The following RASGRF1 variants were observed in gnomAD, a reference collection of about 807,000 sequenced individuals.
The protein encoded by RASGRF1 is Ras protein specific guanine nucleotide releasing factor 1.
RASGRF1 carries 40 observed loss-of-function variants against 138.7 expected under a neutral mutation model. That is an observed-to-expected ratio of 0.29 (90% confidence interval 0.22 to 0.38). The LOEUF is 0.38. Ranked by LOEUF, RASGRF1 falls within the 10% of genes least tolerant of loss-of-function variation. The pLI is 1.00. For synonymous variants in RASGRF1, 614 were observed against 663.2 expected (o/e 0.93, Z 1.14); for missense variants, 1,108 against 1,650.4 (o/e 0.67, Z 5.69).
rs989723674 is a variant in RASGRF1 at position 79,032,503 on chromosome 15, C to A, written c.959-187G>T. Among the ~76,000 whole-genome samples, 7 of 152,158 alleles carry A rather than the reference C, an allele frequency of 4.6e-5. No homozygotes were observed. Among genetic ancestry groups the A allele is most frequent in the Non-Finnish European group, 8.8e-5 (6 of 68,020 alleles). ...GCCCTATCCAGTGCTAGTAGGTGGG[C>A]CCCCATCATTGGGACCACATTAGAA... On this transcript the variant is annotated intron_variant, in intron 6 of 26. Transcript: ENST00000558480. This position sits in a 1 kb window ranked among gnomAD's most constrained non-coding sequence, Gnocchi z 4.5.
chr15:78,996,462 C>T (rs1653502285), intron 19 of RASGRF1, among the ~76,000 whole-genome samples: 1 of 152,114 alleles, frequency 6.6e-6, no homozygotes, highest in Admixed American at 6.5e-5. Flanking sequence ...CGGGGAGTGG[C>T]TCTCTGGATC....
chr15:78,980,085 G>A (rs28547879), intron 24 of RASGRF1: 2,354 of 152,542 alleles, frequency 0.015, 27 homozygotes, highest in Middle Eastern at 0.024. Flanking sequence ...ACCCCGCCGT[G>A]TGGGCAATGT....
intron 26 of RASGRF1, among the ~76,000 whole-genome samples, chr15:78,969,712 GC>G (rs1271799331): frequency 6.6e-6 from 1 of 151,926 alleles, no homozygotes; most frequent in Non-Finnish European, 1.5e-5. Flanking sequence ...GGATTCTATG[GC>G]CCCCTATTCC....
intron 24 of RASGRF1, among the ~76,000 whole-genome samples, chr15:78,976,968 C>T (rs562318290): frequency 5.3e-5 from 8 of 152,364 alleles, no homozygotes; most frequent in Middle Eastern, 3.4e-3. Flanking sequence ...GGCAAGGCCT[C>T]GCTGTCGCAC....
At chr15:79,057,368 A>T (rs146282170) in intron 3 of RASGRF1, among the ~76,000 whole-genome samples, 27 of 152,356 alleles carry the variant, frequency 1.8e-4, no homozygotes, top group African/African-American at 4.6e-4. Flanking sequence ...GTCTGCCATG[A>T]GTCAAGTCAG....
chr15:79,058,349 C>T lies in RASGRF1; in HGVS notation c.516G>A (p.Glu172=), dbSNP rs776560930. Residue 172 remains glutamate, a synonymous_variant, in exon 3 of 27, where the codon GAG becomes GAA. Transcript: ENST00000558480. ...CCGCAGTCACCTCTGCCTTCAGCCG[C>T]TCGATCTCGATCTCCCCATCCTCGA... is the stretch of plus-strand genomic sequence containing the variant. ...QQIEDGEIEI[E]RLKAEITSLL... is the part of the protein sequence containing the mutation. 1.2e-6 allele frequency: 2 copies of T among 1,613,744 alleles called. No homozygotes were observed. The highest frequency in any genetic ancestry group is 2.2e-5 in the East Asian group (1 of 44,878).
chr15:79,038,950 A>G (rs2057258333), intron 5 of RASGRF1, among the ~76,000 whole-genome samples: 1 of 152,210 alleles, frequency 6.6e-6, no homozygotes, highest in Non-Finnish European at 1.5e-5. Context: ...CCAGTTGTCA[A>G]TTCTGGCTAA....
intron 5 of RASGRF1, among the ~76,000 whole-genome samples, chr15:79,045,101 C>G (rs2057340729): frequency 6.6e-6 from 1 of 152,192 alleles, no homozygotes; most frequent in South Asian, 2.1e-4. Context: ...AAGTAAACCT[C>G]AAATAAGGAG....
Position 79,027,707 on chromosome 15 carries a change from T to C in RASGRF1, c.1381+34A>G. ...CCTCCCGCTGCTGGGGCCCACCTGG[T>C]GGGGGCAGGGGAGACAGGGTGCAGA... On this transcript the variant is annotated intron_variant, in intron 9 of 26. Coordinates refer to ENST00000558480, the MANE Select transcript of RASGRF1 (RefSeq NM_001145648.3). This position sits in a 1 kb window ranked among gnomAD's most constrained non-coding sequence, Gnocchi z 4.8. 6.3e-7 allele frequency: 1 copy of C among 1,590,280 alleles called. No individual in the cohort carries two copies. Among genetic ancestry groups the C allele is most frequent in the African/African-American group, 1.3e-5 (1 of 74,510 alleles).
chr15:79,057,817 C>T (rs115208800), intron 3 of RASGRF1, among the ~76,000 whole-genome samples: 1 of 152,342 alleles, frequency 6.6e-6, no homozygotes, highest in African/African-American at 2.4e-5. Context: ...ACAATGCCGC[C>T]TCCAGAATGC....
chr15:78,993,272 TG>T (rs2056316227), intron 20 of RASGRF1, among the ~76,000 whole-genome samples: 2 of 147,352 alleles, frequency 1.4e-5, no homozygotes, highest in African/African-American at 2.5e-5. Context: ...GTGGTGTGTG[TG>T]GTGTGTGTGT....
In RASGRF1 at chr15:78,985,394, T is replaced by C. The variant is rs1308518333; in HGVS notation, c.3217-190A>G. 4 of 574,782 alleles carry C rather than the reference T, an allele frequency of 7.0e-6. No homozygotes were observed. In the East Asian group the frequency reaches 1.2e-4, roughly 17 times the overall value. 35.6% of individuals were successfully genotyped at this position (574,782 alleles called of 1,614,324 possible). ...AATATACAAAAATGAAAAGTTTATATATACATTAGCAATAATCAATTAGAA... is the reference window on the plus strand; with the variant it reads ...AATATACAAAAATGAAAAGTTTATACATACATTAGCAATAATCAATTAGAA... On this transcript the variant is annotated intron_variant, in intron 22 of 26. Coordinates refer to ENST00000558480, the MANE Select transcript of RASGRF1 (RefSeq NM_001145648.3).
intron 16 of RASGRF1, among the ~76,000 whole-genome samples, chr15:79,001,384 G>GGTTCAGGAAGCACC (rs2056520966): frequency 6.6e-6 from 1 of 152,090 alleles, no homozygotes; most frequent in African/African-American, 2.4e-5. Context: ...CCTGTGCTGG[G>GGTTCAGGAAGCACC]TGGGCTCAAG....
At chr15:78,967,830 C>T (rs1175107489) in intron 26 of RASGRF1, among the ~76,000 whole-genome samples, 1 of 152,046 alleles carries the variant, frequency 6.6e-6, no homozygotes, top group African/African-American at 2.4e-5. Flanking sequence ...TGTAGTGTTT[C>T]CCCCACTGAA....
intron 8 of RASGRF1, among the ~76,000 whole-genome samples, chr15:79,030,459 A>C (rs1039129966): frequency 6.6e-6 from 1 of 152,222 alleles, no homozygotes; most frequent in Middle Eastern, 3.4e-3. Context: ...CTGTCGCTTT[A>C]AACACCATCT....
chr15:79,023,912 C>CACACAG (rs961408398), intron 10 of RASGRF1, among the ~76,000 whole-genome samples: 10 of 152,040 alleles, frequency 6.6e-5, no homozygotes, highest in African/African-American at 2.2e-4. Context: ...ACACACACCA[C>CACACAG]ACACAGACAC....
At chr15:79,031,104 T>C (rs2057129514) in intron 8 of RASGRF1, among the ~76,000 whole-genome samples, 1 of 152,200 alleles carries the variant, frequency 6.6e-6, no homozygotes, top group South Asian at 2.1e-4. Flanking sequence ...AGAGAGTGCC[T>C]GGGAGTCATG....
Position 79,073,590 on chromosome 15 carries a change from G to A in RASGRF1, c.277-9064C>T, listed in dbSNP as rs1177593242. The stretch of plus-strand genomic sequence containing the variant: ...GTGGCACTGGCAGACACGGGGTGCC[G>A]CTGAGTTGCACTGAGGGTGGGAAGC... On this transcript the variant is annotated intron_variant, in intron 1 of 26. Coordinates refer to ENST00000558480, the MANE Select transcript of RASGRF1 (RefSeq NM_001145648.3). This position sits in a 1 kb window ranked among gnomAD's most constrained non-coding sequence, Gnocchi z 4.2. Among the ~76,000 whole-genome samples the A allele has an allele frequency of 5.3e-5, 8 of 152,172 alleles. No homozygotes were observed. In the East Asian group the frequency reaches 9.6e-4, roughly 18 times the overall value.
intron 26 of RASGRF1, 115 bp from the exon 27 acceptor site, chr15:78,962,351 G>T: frequency 2.9e-6 from 2 of 698,730 alleles, no homozygotes. Context: ...AGTCAGGTGG[G>T]CATATGAGGC....
Sources: allele counts gnomAD v4.1 joint callset (sites outside exome capture counted in the v4.1 genomes callset), GRCh38; gene constraint gnomAD v4.1.1; non-coding constraint Gnocchi (gnomAD v3.1); transcripts MANE v1.5; gene names NCBI Gene and HGNC (gene_info 2026-07-23, HGNC 2026-07-21).